The following PEX2 variants were observed in gnomAD, a reference collection of about 807,000 sequenced individuals.
PEX2 encodes the protein peroxisome biogenesis factor 2.
PEX2 carries 19 observed loss-of-function variants against 25.2 expected under a neutral mutation model. That is an observed-to-expected ratio of 0.75 (90% confidence interval 0.53 to 1.10). The LOEUF is 1.10. Ranked by LOEUF, PEX2 falls within the 50% of genes least tolerant of loss-of-function variation. The probability of loss-of-function intolerance (pLI) is 0.00; values close to 1 mark genes in which losing one functional copy is unlikely to be tolerated. For missense variants in PEX2, 347 were observed against 350.6 expected (o/e 0.99, Z 0.08); for synonymous variants, 141 against 127.7 (o/e 1.10, Z -0.70).
At chr8:76,990,611 T>C (rs1807142343) in intron 1 of PEX2, among the ~76,000 whole-genome samples, 1 of 152,164 alleles carries the variant, frequency 6.6e-6, no homozygotes, top group South Asian at 2.1e-4. Context: ...TGTTGTGTCT[T>C]AGGGAATAGG....
rs754127143 is a variant in PEX2 at position 76,983,922 on chromosome 8, T to G, written c.257A>C (p.Lys86Thr). The change falls in exon 4 of 4, where the codon AAA (lysine) becomes ACA (threonine). Residue 86 changes from lysine to threonine, a missense_variant. Physicochemically the swap from Lys to Thr is moderately conservative, Grantham distance 78. Transcript: ENST00000357039. ...VGQSVLNIKY[K>T]NDFSPNLRYQ... ...TCTCAGGTTAGGGGAAAAATCATTT[T>G]TGTACTTAATATTCAAAACTGACTG... The G allele has an allele frequency of 3.1e-6, 5 of 1,614,218 alleles. No individual in the cohort carries two copies. The Admixed American group carries it at 8.3e-5, about 27-fold the overall frequency.
intron 2 of PEX2, chr8:76,986,526 C>G (rs1807004457): frequency 6.6e-6 from 1 of 152,380 alleles, no homozygotes; most frequent in Admixed American, 6.5e-5. Context: ...CTCCACACTG[C>G]CAGTGTTCTA....
In PEX2 at chr8:76,999,998, T is replaced by G. The variant is rs1025041268; in HGVS notation, c.-168A>C. 3 of 451,726 alleles carry G rather than the reference T, an allele frequency of 6.6e-6. No individual in the cohort carries two copies. Among genetic ancestry groups the G allele is most frequent in the Admixed American group, 2.4e-5 (1 of 42,000 alleles). 28.0% of individuals were successfully genotyped at this position (451,726 alleles called of 1,614,324 possible). A position where few individuals can be genotyped will look rare whatever the true frequency, so the allele number is the denominator to read the frequency against. On this transcript the variant is annotated 5_prime_UTR_variant, in exon 1 of 4. Transcript: ENST00000357039. ...CTAGGGCAGACACTGACCTTAGGAG[T>G]CTGCGAAACGCCCACGCTCCACGTA...
chr8:76,980,316 T>A lies in PEX2; in HGVS notation c.*2945A>T, dbSNP rs190486993. 3 of 152,220 alleles carry A rather than the reference T, an allele frequency of 2.0e-5. No individual in the cohort carries two copies. The highest frequency in any genetic ancestry group is 2.0e-4 in the Admixed American group (3 of 15,280). 9.4% of individuals were successfully genotyped at this position (152,220 alleles called of 1,614,324 possible). ...CTTTCAAATCTGCAATGTTAAAGAA[T>A]CATCCAGTTACTTATGAATGTCCTT... On this transcript the variant is annotated 3_prime_UTR_variant, in exon 4 of 4. Transcript: ENST00000357039.
intron 1 of PEX2, among the ~76,000 whole-genome samples, chr8:76,991,784 T>C (rs1470536774): frequency 6.6e-6 from 1 of 152,228 alleles, no homozygotes; most frequent in Non-Finnish European, 1.5e-5. Flanking sequence ...ATTCTTCTCC[T>C]AAAAGTTGGA....
intron 1 of PEX2, among the ~76,000 whole-genome samples, chr8:76,998,090 A>T (rs1392708800): frequency 6.6e-6 from 1 of 152,218 alleles, no homozygotes; most frequent in African/African-American, 2.4e-5. Context: ...AAAATGAAAT[A>T]ATTCAAGAGA....
chr8:76,992,707 G>A (rs548681726), intron 1 of PEX2, among the ~76,000 whole-genome samples: 8 of 152,150 alleles, frequency 5.3e-5, no homozygotes, highest in African/African-American at 1.9e-4. Context: ...CTGACAAATG[G>A]TTACTCAATG....
In PEX2 at chr8:76,984,003, C is replaced by T; in HGVS notation, c.176G>A (p.Cys59Tyr). Reference sequence around the variant, plus strand: ...GAATCTCCACAAGAAAACCCATAAGCACGCTTTCACCTCTGGCTCAAAGCG... The same window carrying T: ...GAATCTCCACAAGAAAACCCATAAGTACGCTTTCACCTCTGGCTCAAAGCG... ...LARFEPEVKA[C>Y]LWVFLWRFTI... The change falls in exon 4 of 4, where the codon TGC becomes TAC. Residue 59 changes from cysteine (C) to tyrosine (Y), a missense_variant. Transcript: ENST00000357039. The T allele has an allele frequency of 6.2e-7, 1 of 1,614,108 alleles. No individual in the cohort carries two copies.
intron 1 of PEX2, among the ~76,000 whole-genome samples, chr8:76,992,123 G>A (rs185319398): frequency 7.6e-4 from 116 of 152,218 alleles, no homozygotes; most frequent in African/African-American, 2.6e-3. Flanking sequence ...GCAGGAGTGG[G>A]CAGAGATATG....
rs1257241388 is a variant in PEX2, at chr8:76,984,032, T to C, written c.147A>G (p.Leu49=). 1.2e-6 allele frequency: 2 copies of C among 1,613,518 alleles called. No homozygotes were observed. Among genetic ancestry groups the C allele is most frequent in the Admixed American group, 1.7e-5 (1 of 59,952 alleles). ...CTTTCACCTCTGGCTCAAAGCGAGC[T>C]AACAGCCCAGGTTTAAATCCATGAA... The part of the protein sequence containing the change: ...QCFHGFKPGL[L]ARFEPEVKAC... The change falls in exon 4 of 4, where the codon TTA becomes TTG. Residue 49 remains leucine (L), a synonymous_variant. Coordinates refer to ENST00000357039, the MANE Select transcript of PEX2 (RefSeq NM_000318.3).
At chr8:76,994,690 C>T (rs1807270417) in intron 1 of PEX2, among the ~76,000 whole-genome samples, 1 of 152,092 alleles carries the variant, frequency 6.6e-6, no homozygotes, top group South Asian at 2.1e-4. Flanking sequence ...CTCATGCACC[C>T]CCTGCCAGGC....
At chr8:76,996,948 A>C (rs1482812823) in intron 1 of PEX2, among the ~76,000 whole-genome samples, 1 of 152,242 alleles carries the variant, frequency 6.6e-6, no homozygotes, top group Non-Finnish European at 1.5e-5. Context: ...AAAACTGTAG[A>C]ACATACAAAA....
intron 1 of PEX2, chr8:76,999,663 T>C: frequency 2.7e-6 from 1 of 364,932 alleles, no homozygotes. Context: ...AAGAGGTAAA[T>C]ATCTTCACGA....
chr8:76,997,809 T>C (rs953988742), intron 1 of PEX2, among the ~76,000 whole-genome samples: 3 of 152,144 alleles, frequency 2.0e-5, no homozygotes, highest in African/African-American at 7.2e-5. Context: ...AAGTCTAATA[T>C]CCCACACGGA....
chr8:76,985,366 G>A (rs1806974067), intron 3 of PEX2, among the ~76,000 whole-genome samples: 1 of 152,090 alleles, frequency 6.6e-6, no homozygotes, highest in Non-Finnish European at 1.5e-5. Flanking sequence ...TATAAGATGA[G>A]TAAGTTCTGA....
At chr8:76,999,899 G>A (rs1323999101) in intron 1 of PEX2, 91 bp downstream of exon 1, 4 of 456,484 alleles carry the variant, frequency 8.8e-6, no homozygotes, top group African/African-American at 8.0e-5. Context: ...AAAGCAAACG[G>A]CGACAATTAC....
In PEX2 at chr8:76,983,368, T is replaced by C. The variant is rs760496639; in HGVS notation, c.811A>G (p.Ser271Gly). ...HIFCYFCAKSSFLFDVYFTCP... is the reference protein window; with the variant it reads ...HIFCYFCAKSGFLFDVYFTCP... ...GTAAAGTACACGTCAAATAAGAAACTACTCTTAGCACAGAAATAACAGAAA... is the reference window on the plus strand; with the variant it reads ...GTAAAGTACACGTCAAATAAGAAACCACTCTTAGCACAGAAATAACAGAAA... The change falls in exon 4 of 4, where the codon AGT becomes GGT. Residue 271 changes from serine (S) to glycine (G), a missense_variant. By Grantham distance (56) the Ser-to-Gly change is moderately conservative. Coordinates refer to ENST00000357039, the MANE Select transcript of PEX2 (RefSeq NM_000318.3). 5 of 1,613,936 alleles carry C rather than the reference T, an allele frequency of 3.1e-6. No homozygotes were observed. In the East Asian group the frequency reaches 1.1e-4, roughly 36 times the overall value.
In PEX2 at chr8:76,981,092, G is replaced by C. The variant is rs1007349010; in HGVS notation, c.*2169C>G. 1.3e-5 allele frequency: 2 copies of C among 152,214 alleles called. No individual in the cohort carries two copies. The highest frequency in any genetic ancestry group is 2.9e-5 in the Non-Finnish European group (2 of 68,032). 9.4% of individuals were successfully genotyped at this position (152,214 alleles called of 1,614,324 possible). Reference sequence around the variant, plus strand: ...ATTCAACATTGCATTATTCACAACAGAAAGTGAAAAGAACCTAAATGCTCT... The same window carrying C: ...ATTCAACATTGCATTATTCACAACACAAAGTGAAAAGAACCTAAATGCTCT... On this transcript the variant is annotated 3_prime_UTR_variant, in exon 4 of 4. Coordinates refer to ENST00000357039, the MANE Select transcript of PEX2 (RefSeq NM_000318.3).
rs570671917 is a variant in PEX2 at position 76,982,996 on chromosome 8, T to C, written c.*265A>G. The C allele has an allele frequency of 7.3e-5, 62 of 845,990 alleles. No homozygotes were observed. In the African/African-American group the frequency reaches 8.4e-4, roughly 12 times the overall value. The allele number at this position is 845,990 out of a possible 1,614,324, so 52.4% of individuals were successfully genotyped here. ...TAGTAAAATGAAGGAGCATTGTTAG[T>C]AGTCACCTGACAAAAGCTGTCCATT... On this transcript the variant is annotated 3_prime_UTR_variant, in exon 4 of 4. Coordinates refer to ENST00000357039, the MANE Select transcript of PEX2 (RefSeq NM_000318.3).
Sources: allele counts gnomAD v4.1 joint callset (sites outside exome capture counted in the v4.1 genomes callset), GRCh38; gene constraint gnomAD v4.1.1; transcripts MANE v1.5; gene names NCBI Gene and HGNC (gene_info 2026-07-23, HGNC 2026-07-21).